Variants in PRUNE2 observed in about 807,000 individuals in gnomAD.
The protein encoded by PRUNE2 is protein prune homolog 2.
A neutral mutation model predicts 252.0 loss-of-function variants in PRUNE2; 164 were observed. The ratio of observed to expected loss-of-function variants is 0.65; its 90% CI spans 0.57 to 0.74. PRUNE2 has a LOEUF of 0.74. Among genes scored for constraint, PRUNE2 ranks in the 30% least tolerant of loss-of-function variants. The probability of loss-of-function intolerance (pLI) is 0.00; values close to 1 mark genes in which losing one functional copy is unlikely to be tolerated. For synonymous variants in PRUNE2, 1,292 were observed against 1,350.2 expected, an observed-to-expected ratio of 0.96 and a Z score of 0.94; for missense variants, 3,495 against 3,711.0, an observed-to-expected ratio of 0.94 and a Z score of 1.51.
At chr9:76,774,461 T>TTTTTTTTA (rs2053507786) in intron 6 of PRUNE2, among the ~76,000 whole-genome samples, 2 of 74,816 alleles carry the variant, frequency 2.7e-5, no homozygotes, top group South Asian at 4.4e-4. Flanking sequence ...TTTTTTTTTT[T>TTTTTTTTA]TTTTTTTTTT....
At chr9:76,850,048 GGTTT>G (rs1399239598) in intron 3 of PRUNE2, among the ~76,000 whole-genome samples, 5 of 151,728 alleles carry the variant, frequency 3.3e-5, no homozygotes, top group African/African-American at 1.2e-4. Context: ...GGGATTTTGG[GGTTT>G]GTTTGTTGTT....
rs367699779 is a variant in PRUNE2 at position 76,870,677 on chromosome 9, T to C, written c.37-16469A>G. Among the ~76,000 whole-genome samples the C allele has an allele frequency of 6.3e-3, 935 of 147,794 alleles. 10 individuals carry two copies. Among genetic ancestry groups the C allele is most frequent in the African/African-American group, 0.022 (884 of 39,382 alleles). ...CTCCAGCCTGGGTGACAGAGCGAGA[T>C]TCTGTCTCAAAAAAAAAAAAAAAAA... On this transcript the variant is annotated intron_variant, in intron 1 of 18. Coordinates refer to ENST00000376718, the MANE Select transcript of PRUNE2 (RefSeq NM_015225.3).
At chr9:76,858,595 CTG>C (rs565833129) in intron 1 of PRUNE2, among the ~76,000 whole-genome samples, 5 of 152,020 alleles carry the variant, frequency 3.3e-5, no homozygotes, top group Non-Finnish European at 5.9e-5. Context: ...ACATCACACA[CTG>C]GGGCCTGTCA....
intron 17 of PRUNE2, among the ~76,000 whole-genome samples, chr9:76,619,656 C>A (rs1328246979): frequency 6.6e-6 from 1 of 152,206 alleles, no homozygotes; most frequent in Non-Finnish European, 1.5e-5. Context: ...TTTTTCCCTG[C>A]CTTTTCAATT....
At chr9:76,775,068 G>A (rs1488291935) in intron 6 of PRUNE2, among the ~76,000 whole-genome samples, 1 of 151,790 alleles carries the variant, frequency 6.6e-6, no homozygotes, top group East Asian at 1.9e-4. Context: ...TCCCAAAGAA[G>A]AAAAAAAATT....
rs139228922 is a variant in PRUNE2 at position 76,818,504 on chromosome 9, C to T, written c.756+5128G>A. 4.6e-5 allele frequency among the ~76,000 whole-genome samples: 7 copies of T among 152,276 alleles called. No individual in the cohort carries two copies. In the East Asian group the frequency reaches 1.4e-3, roughly 29 times the overall value. ...AATCTCTGTGCAGGGCAGAATGAGTCAGCGGCCTCTGAGTCACTTTACCAG... is the reference window on the plus strand; with the variant it reads ...AATCTCTGTGCAGGGCAGAATGAGTTAGCGGCCTCTGAGTCACTTTACCAG... On this transcript the variant is annotated intron_variant, in intron 6 of 18. Transcript: ENST00000376718.
rs528142875 is a variant in PRUNE2 at position 76,614,483 on chromosome 9, G to T, written c.*87C>A. Reference sequence around the variant, plus strand: ...CACCAGGTAGTGCAAAGTGGAAAAAGGTAACATCAGCCCTGTCTCTTTCAG... The same window carrying T: ...CACCAGGTAGTGCAAAGTGGAAAAATGTAACATCAGCCCTGTCTCTTTCAG... On this transcript the variant is annotated 3_prime_UTR_variant, in exon 19 of 19. Coordinates refer to ENST00000376718, the MANE Select transcript of PRUNE2 (RefSeq NM_015225.3). 183 of 1,115,234 alleles carry T rather than the reference G, an allele frequency of 1.6e-4. 1 individual carries two copies. The South Asian group carries it at 2.4e-3, about 14-fold the overall frequency. 69.1% of individuals were successfully genotyped at this position (1,115,234 alleles called of 1,614,324 possible).
chr9:76,743,046 T>G (rs903412501), intron 6 of PRUNE2, among the ~76,000 whole-genome samples: 1 of 152,164 alleles, frequency 6.6e-6, no homozygotes, highest in Non-Finnish European at 1.5e-5. Context: ...TCTCATGAGA[T>G]CTGATGGTTT....
rs1182228208 is a variant in PRUNE2, at chr9:76,731,280, CTCTATCTA to C, written c.757-17567_757-17560del. Among the ~76,000 whole-genome samples, 339 of 86,826 alleles carry C rather than the reference CTCTATCTA, an allele frequency of 3.9e-3. 8 individuals are homozygous for C. Among genetic ancestry groups the C allele is most frequent in the African/African-American group, 6.5e-3 (143 of 22,124 alleles). The allele number at this position is 86,826 out of a possible 152,430, so 57.0% of individuals were successfully genotyped here. A position where few individuals can be genotyped will look rare whatever the true frequency, so the allele number is the denominator to read the frequency against. On this transcript the variant is annotated intron_variant, in intron 6 of 18. Coordinates refer to ENST00000376718, the MANE Select transcript of PRUNE2 (RefSeq NM_015225.3). ...CACACTATAAACATATATTCCCTCT[CTCTATCTA>C]TCTATCTATCTATCTATCTATCTAT...
At chr9:76,791,071 T>C (rs370369069) in intron 6 of PRUNE2, among the ~76,000 whole-genome samples, 14 of 152,112 alleles carry the variant, frequency 9.2e-5, no homozygotes, top group African/African-American at 3.4e-4. Flanking sequence ...CTGCCAGAGG[T>C]TGAGGGATTG....
At position 76,870,387 on chromosome 9, in the gene PRUNE2, T is replaced by TA. The variant is rs569688194; in HGVS notation, c.37-16180dup. On this transcript the variant is annotated intron_variant, in intron 1 of 18. Coordinates refer to ENST00000376718, the MANE Select transcript of PRUNE2 (RefSeq NM_015225.3). ...AGAGTGGAAAGGAGAGAGAACATGC[T>TA]AAAAAAAAAATCCTCCGGCCGGGTG... 4.4e-3 allele frequency among the ~76,000 whole-genome samples: 647 copies of TA among 147,190 alleles called. 1 individual carries two copies. The highest frequency in any genetic ancestry group is 0.021 in the Middle Eastern group (6 of 280).
At chr9:76,750,771 GCTTGTATGA>G (rs1053131703) in intron 6 of PRUNE2, among the ~76,000 whole-genome samples, 7 of 152,154 alleles carry the variant, frequency 4.6e-5, no homozygotes, top group Admixed American at 1.3e-4. Context: ...AGTTTGAGGC[GCTTGTATGA>G]AAACCAAGAG....
At chr9:76,670,380 G>A (rs1028202448) in intron 9 of PRUNE2, among the ~76,000 whole-genome samples, 21 of 152,176 alleles carry the variant, frequency 1.4e-4, no homozygotes, top group African/African-American at 2.2e-4. Flanking sequence ...ATTATATCCC[G>A]CACCTGGCTC....
At chr9:76,896,153 C>T (rs1206946116) in intron 1 of PRUNE2, among the ~76,000 whole-genome samples, 2 of 152,198 alleles carry the variant, frequency 1.3e-5, no homozygotes, top group Non-Finnish European at 2.9e-5. Flanking sequence ...TCATCTATTA[C>T]AGCCTCTGGC....
chr9:76,667,000 C>T (rs996356942), intron 9 of PRUNE2, among the ~76,000 whole-genome samples: 7 of 152,036 alleles, frequency 4.6e-5, no homozygotes, highest in African/African-American at 1.5e-4. Context: ...GAGCCAAGAT[C>T]GCATCATTAC....
At chr9:76,857,745 T>G (rs2060335691) in intron 1 of PRUNE2, among the ~76,000 whole-genome samples, 1 of 152,146 alleles carries the variant, frequency 6.6e-6, no homozygotes, top group African/African-American at 2.4e-5. Context: ...CAAATGACCT[T>G]GGTTGTGCAA....
At chr9:76,821,583 C>T (rs1471700914) in intron 6 of PRUNE2, among the ~76,000 whole-genome samples, 1 of 151,844 alleles carries the variant, frequency 6.6e-6, no homozygotes, top group Non-Finnish European at 1.5e-5. Flanking sequence ...TCTTTAATAT[C>T]CCCATTATGC....
Position 76,895,703 on chromosome 9 carries a change from T to C in PRUNE2, c.36+10225A>G, listed in dbSNP as rs575666289. Among the ~76,000 whole-genome samples the C allele has an allele frequency of 2.6e-5, 4 of 152,352 alleles. No homozygotes were observed. In the East Asian group the frequency reaches 7.7e-4, roughly 29 times the overall value. Reference sequence around the variant, plus strand: ...CAGTGATGTTATGTCTGCCAAGGGCTGTGCAGATATTTGGGATTATTTACC... The same window carrying C: ...CAGTGATGTTATGTCTGCCAAGGGCCGTGCAGATATTTGGGATTATTTACC... On this transcript the variant is annotated intron_variant, in intron 1 of 18. Coordinates refer to ENST00000376718, the MANE Select transcript of PRUNE2 (RefSeq NM_015225.3).
chr9:76,708,702 G>T lies in PRUNE2; in HGVS notation c.3572C>A (p.Ala1191Asp), dbSNP rs560492060. 4 of 1,613,796 alleles carry T rather than the reference G, an allele frequency of 2.5e-6. No homozygotes were observed. Among genetic ancestry groups the T allele is most frequent in the African/African-American group, 2.7e-5 (2 of 74,904 alleles). Residue 1191 changes from alanine to aspartate, a missense_variant, in exon 8 of 19, where the codon GCC becomes GAC. Ala to Asp is a moderately radical substitution (Grantham distance 126). Coordinates refer to ENST00000376718, the MANE Select transcript of PRUNE2 (RefSeq NM_015225.3). The part of the protein sequence containing the change: ...EANQVDWELP[A>D]SDEHTKDSAP... ...ACTGTCCTTGGTATGCTCATCAGAG[G>T]CAGGGAGCTCCCAATCTACCTGATT...
Sources: gnomAD v4.1 joint callset for allele counts (sites outside exome capture counted in the v4.1 genomes callset) on GRCh38, gnomAD v4.1.1 for gene constraint, MANE v1.5 for transcripts, NCBI Gene and HGNC (gene_info 2026-07-23, HGNC 2026-07-21) for gene names.